The following EPHA3 variants were observed in gnomAD, a reference collection of about 807,000 sequenced individuals.
EPHA3 encodes EPH receptor A3.
In EPHA3, 42 loss-of-function variants were observed where a neutral mutation model predicts 107.1. The ratio of observed to expected loss-of-function variants is 0.39; its 90% confidence interval spans 0.31 to 0.51. The LOEUF (loss-of-function observed/expected upper bound fraction) is 0.51. EPHA3 is among the 20% of genes least tolerant of loss of function. The pLI is 0.78. For synonymous variants in EPHA3, 461 were observed against 424.8 expected (o/e 1.09, Z -1.05); for missense variants, 1,183 against 1,211.2 (o/e 0.98, Z 0.35).
At chr3:89,422,701 T>C (rs940115744) in intron 11 of EPHA3, among the ~76,000 whole-genome samples, 6 of 151,498 alleles carry the variant, frequency 4.0e-5, no homozygotes, top group African/African-American at 1.5e-4. Context: ...AAAAAAATTC[T>C]TGAAAATAAT....
chr3:89,460,136 T>C (rs977345876), intron 15 of EPHA3, among the ~76,000 whole-genome samples: 7 of 152,152 alleles, frequency 4.6e-5, no homozygotes, highest in African/African-American at 1.7e-4. Context: ...ATTTTTATTA[T>C]TGACAATATT....
At chr3:89,229,842 T>G (rs1482510528) in intron 3 of EPHA3, among the ~76,000 whole-genome samples, 10 of 152,036 alleles carry the variant, frequency 6.6e-5, no homozygotes, top group African/African-American at 2.4e-5. Context: ...TGATCGTTTA[T>G]TTTTACATGG....
chr3:89,325,625 T>C (rs1286905891), intron 3 of EPHA3, among the ~76,000 whole-genome samples: 1 of 152,172 alleles, frequency 6.6e-6, no homozygotes, highest in East Asian at 1.9e-4. Context: ...TCCAGTTCTT[T>C]CCTGCCTCAA....
At chr3:89,257,190 A>G (rs1340225347) in intron 3 of EPHA3, among the ~76,000 whole-genome samples, 6 of 152,190 alleles carry the variant, frequency 3.9e-5, no homozygotes, top group Non-Finnish European at 7.3e-5. Context: ...TTCTTCTAGC[A>G]GCTCAGACCA....
At chr3:89,412,127 T>G (rs1366933787) in intron 9 of EPHA3, among the ~76,000 whole-genome samples, 1 of 151,792 alleles carries the variant, frequency 6.6e-6, no homozygotes, top group Non-Finnish European at 1.5e-5. Context: ...TAGTAGATCT[T>G]AGAATCACTT....
At chr3:89,353,876 T>C (rs908961246) in intron 5 of EPHA3, among the ~76,000 whole-genome samples, 11 of 151,300 alleles carry the variant, frequency 7.3e-5, no homozygotes, top group Admixed American at 6.0e-4. Context: ...TTTCATTCCG[T>C]CTTCATTTCT....
intron 3 of EPHA3, among the ~76,000 whole-genome samples, chr3:89,277,122 G>T (rs1027606139): frequency 6.6e-6 from 1 of 152,084 alleles, no homozygotes; most frequent in African/African-American, 2.4e-5. Context: ...TTACCAACTT[G>T]CATGTCCTAG....
chr3:89,459,069 C>T (rs1284414078), intron 15 of EPHA3, among the ~76,000 whole-genome samples: 1 of 152,060 alleles, frequency 6.6e-6, no homozygotes, highest in Non-Finnish European at 1.5e-5. Context: ...CTGACAAATA[C>T]CTAATGCATG....
intron 2 of EPHA3, among the ~76,000 whole-genome samples, chr3:89,134,384 C>G (rs1704268511): frequency 6.6e-6 from 1 of 151,926 alleles, no homozygotes; most frequent in East Asian, 1.9e-4. Context: ...CATCCCACAA[C>G]AGGCCCTGGT....
rs780470195 is a variant in EPHA3, at chr3:89,479,471, C to T, written c.2921C>T (p.Thr974Met). ...KIISSIKALE[T>M]QSKNGPVPV ...ATCAGTAGCATTAAAGCTCTAGAAA[C>T]GCAATCAAAGAATGGCCCAGTTCCC... is the stretch of plus-strand genomic sequence containing the variant. Residue 974 changes from threonine (T) to methionine (M), a missense_variant, in exon 17 of 17, where the codon ACG (threonine) becomes ATG (methionine). Thr to Met is a moderately conservative substitution (Grantham distance 81). Transcript: ENST00000336596. 3.1e-6 allele frequency: 5 copies of T among 1,613,974 alleles called. No homozygotes were observed. The highest frequency in any genetic ancestry group is 3.4e-6 in the Non-Finnish European group (4 of 1,180,004).
intron 2 of EPHA3, among the ~76,000 whole-genome samples, chr3:89,182,021 T>C (rs1171269330): frequency 6.9e-6 from 1 of 144,620 alleles, no homozygotes; most frequent in Non-Finnish European, 1.5e-5. Context: ...CTTACTTATC[T>C]GTTAGCTTTT....
At chr3:89,421,985 C>T (rs1190153324) in intron 11 of EPHA3, among the ~76,000 whole-genome samples, 1 of 151,078 alleles carries the variant, frequency 6.6e-6, no homozygotes. Context: ...TTTGATATAT[C>T]TCCCTGGTCA....
intron 1 of EPHA3, among the ~76,000 whole-genome samples, chr3:89,108,328 A>G (rs1167563984): frequency 6.6e-6 from 1 of 152,178 alleles, no homozygotes; most frequent in Non-Finnish European, 1.5e-5. Context: ...GAGTTTGTCG[A>G]AGCGGAGGTG....
chr3:89,261,509 CCAATGG>C (rs1004369209), intron 3 of EPHA3, among the ~76,000 whole-genome samples: 15 of 152,106 alleles, frequency 9.9e-5, no homozygotes, highest in Admixed American at 9.2e-4. Context: ...TGTCTCTTTT[CCAATGG>C]CATGCATGCT....
At chr3:89,391,384 TTTC>T (rs1437151930) in intron 5 of EPHA3, among the ~76,000 whole-genome samples, 5 of 144,048 alleles carry the variant, frequency 3.5e-5, no homozygotes, top group Admixed American at 2.1e-4. Context: ...TTTGTATTTT[TTTC>T]TTTTCTTTTC....
chr3:89,388,436 C>A (rs1254207069), intron 5 of EPHA3, among the ~76,000 whole-genome samples: 1 of 152,070 alleles, frequency 6.6e-6, no homozygotes, highest in Non-Finnish European at 1.5e-5. Flanking sequence ...AGGACCTGAT[C>A]AACTATTGCC....
At chr3:89,423,492 C>T (rs968224115) in intron 11 of EPHA3, among the ~76,000 whole-genome samples, 13 of 151,316 alleles carry the variant, frequency 8.6e-5, no homozygotes, top group African/African-American at 2.9e-4. Context: ...AAAGACAATA[C>T]ATACGTTGTA....
intron 11 of EPHA3, among the ~76,000 whole-genome samples, chr3:89,419,905 T>C (rs1709324547): frequency 6.6e-6 from 1 of 151,438 alleles, no homozygotes; most frequent in Non-Finnish European, 1.5e-5. Context: ...AGGCCGTTTC[T>C]TGGTTCTCTG....
chr3:89,359,832 T>TATACATATATATACATATATATAC lies in EPHA3; in HGVS notation c.1306+17743_1306+17744insTACATATATATACATATATATACA, dbSNP rs747927767. On this transcript the variant is annotated intron_variant, in intron 5 of 16. Transcript: ENST00000336596. ...ATATACATATATATACATATATATA[T>TATACATATATATACATATATATAC]ACATATATATATATGCATATCTTTG... Among the ~76,000 whole-genome samples, 6 of 128,122 alleles carry TATACATATATATACATATATATAC rather than the reference T, an allele frequency of 4.7e-5. No individual in the cohort carries two copies. In the East Asian group the frequency reaches 6.3e-4, roughly 13 times the overall value. 84.1% of individuals were successfully genotyped at this position (128,122 alleles called of 152,430 possible).
Sources: allele counts gnomAD v4.1 joint callset (sites outside exome capture counted in the v4.1 genomes callset), GRCh38; gene constraint gnomAD v4.1.1; transcripts MANE v1.5; gene names NCBI Gene and HGNC (gene_info 2026-07-23, HGNC 2026-07-21).